TAF11: variants seen among roughly 807,000 people sequenced by gnomAD.
TAF11 encodes TATA-box binding protein associated factor 11.
Under a neutral mutation model 23.0 loss-of-function variants are expected in TAF11, and 10 were observed. The ratio of observed to expected loss-of-function variants is 0.43; its 90% confidence interval spans 0.27 to 0.74. TAF11 has a LOEUF of 0.74. Ranked by LOEUF, TAF11 falls within the 30% of genes least tolerant of loss-of-function variation. The pLI is 0.19. For missense variants in TAF11, 196 were observed against 261.7 expected (o/e 0.75, Z 1.73); for synonymous variants, 85 against 95.8 (o/e 0.89, Z 0.66).
In TAF11 at chr6:34,880,759, G is replaced by T. The variant is rs1299168870; in HGVS notation, c.321-383C>A. Among the ~76,000 whole-genome samples the T allele has an allele frequency of 1.3e-5, 2 of 152,114 alleles. No homozygotes were observed. The highest frequency in any genetic ancestry group is 2.9e-5 in the Non-Finnish European group (2 of 68,018). On this transcript the variant is annotated intron_variant, in intron 2 of 4. Transcript: ENST00000361288. The surrounding 1 kb of genome is among the most constrained non-coding windows in gnomAD (Gnocchi z 4.8). ...ATTAACAGATTTAGGGGAAATATCT[G>T]CAAAATATGTGGAAACAGTTAATAC...
At chr6:34,886,627 A>G (rs1333076822) in intron 1 of TAF11, among the ~76,000 whole-genome samples, 3 of 151,812 alleles carry the variant, frequency 2.0e-5, no homozygotes, top group East Asian at 3.9e-4. Flanking sequence ...CACCATGCCC[A>G]GCTAATTTTT....
chr6:34,882,296 C>T (rs1304254365), intron 2 of TAF11, among the ~76,000 whole-genome samples: 6 of 150,376 alleles, frequency 4.0e-5, no homozygotes, highest in African/African-American at 1.2e-4. Context: ...AGAGATTGCA[C>T]CACCGCACTC....
At chr6:34,887,665 G>C (rs1177311406) in intron 1 of TAF11, 122 bp downstream of exon 1, 1 of 1,205,446 alleles carries the variant, frequency 8.3e-7, no homozygotes, top group Non-Finnish European at 1.2e-6. Context: ...TTAACGATCT[G>C]GAGGGAATTC....
intron 1 of TAF11, among the ~76,000 whole-genome samples, chr6:34,884,631 A>G (rs1766498922): frequency 6.6e-6 from 1 of 151,890 alleles, no homozygotes; most frequent in Non-Finnish European, 1.5e-5. Flanking sequence ...TCCAAACTTC[A>G]CCCCCTCTGA....
rs778005313 is a variant in TAF11, at chr6:34,883,029, A to G, written c.223T>C (p.Ser75Pro). Reference sequence around the variant, plus strand: ...TTTTTGGCTGCAGGATTAAGTAATGATGAGTCTTCCCTTTCAACTGTTGTT... The same window carrying G: ...TTTTTGGCTGCAGGATTAAGTAATGGTGAGTCTTCCCTTTCAACTGTTGTT... ...DLTTVEREDS[S>P]LLNPAAKKLK... Residue 75 changes from serine to proline, a missense_variant, in exon 2 of 5, where the codon TCA becomes CCA. Physicochemically the swap from Ser to Pro is moderately conservative, Grantham distance 74. Transcript: ENST00000361288. 1.9e-6 allele frequency: 3 copies of G among 1,612,114 alleles called. No homozygotes were observed. The highest frequency in any genetic ancestry group is 2.5e-6 in the Non-Finnish European group (3 of 1,179,498).
rs1561822898 is a variant in TAF11, at chr6:34,880,412, AG to A, written c.321-37del. The stretch of plus-strand genomic sequence containing the variant: ...ATCCAGGTAACTAAGTTAACTTATA[AG>A]AACGAATACTCAAGATATTATGAAG... On this transcript the variant is annotated intron_variant, in intron 2 of 4. Coordinates refer to ENST00000361288, the MANE Select transcript of TAF11 (RefSeq NM_005643.4). The surrounding 1 kb of genome is among the most constrained non-coding windows in gnomAD (Gnocchi z 4.8). The A allele has an allele frequency of 6.3e-7, 1 of 1,583,832 alleles. No homozygotes were observed. The highest frequency in any genetic ancestry group is 1.7e-5 in the Admixed American group (1 of 59,476).
Position 34,879,978 on chromosome 6 carries a change from A to G in TAF11, c.494T>C (p.Val165Ala). The G allele has an allele frequency of 6.2e-7, 1 of 1,613,760 alleles. No homozygotes were observed. The highest frequency in any genetic ancestry group is 8.5e-7 in the Non-Finnish European group (1 of 1,179,880). Residue 165 changes from valine (V) to alanine (A), a missense_variant, in exon 4 of 5, where the codon GTG (valine) becomes GCG (alanine). Coordinates refer to ENST00000361288, the MANE Select transcript of TAF11 (RefSeq NM_005643.4). The part of the protein sequence containing the change: ...SGISKVFVGE[V>A]VEEALDVCEK... ...CCAACACTACTCACCTTCTTCTACCACCTCCCCGACGAAAACCTTGGAAAT... is the reference window on the plus strand; with the variant it reads ...CCAACACTACTCACCTTCTTCTACCGCCTCCCCGACGAAAACCTTGGAAAT...
At position 34,880,180 on chromosome 6, in the gene TAF11, T is replaced by C; in HGVS notation, c.408+109A>G. 1 of 1,524,196 alleles carries C rather than the reference T, an allele frequency of 6.6e-7. No homozygotes were observed. The highest frequency in any genetic ancestry group is 9.1e-7 in the Non-Finnish European group (1 of 1,103,414). 94.4% of individuals were successfully genotyped at this position (1,524,196 alleles called of 1,614,324 possible). On this transcript the variant is annotated intron_variant, in intron 3 of 4. Transcript: ENST00000361288. This position sits in a 1 kb window ranked among gnomAD's most constrained non-coding sequence, Gnocchi z 4.8. ...ACTGAAGTGCATTTTTTTTCCCACC[T>C]AAATAATCCCCTGACTTGTCTAACA...
intron 1 of TAF11, among the ~76,000 whole-genome samples, chr6:34,887,055 G>T (rs1239096907): frequency 6.6e-6 from 1 of 152,008 alleles, no homozygotes; most frequent in Non-Finnish European, 1.5e-5. Context: ...TGTAATCCTA[G>T]CACTTTGGGA....
rs539633475 is a variant in TAF11, at chr6:34,877,911, C to T, written c.*679G>A. The stretch of plus-strand genomic sequence containing the variant: ...GGTAGAGTATCACAAGTAAAAGTTT[C>T]TGGTTGTTTCATCTACTTAAAACCA... On this transcript the variant is annotated 3_prime_UTR_variant, in exon 5 of 5. Coordinates refer to ENST00000361288, the MANE Select transcript of TAF11 (RefSeq NM_005643.4). The T allele has an allele frequency of 6.6e-6, 1 of 152,294 alleles. No individual in the cohort carries two copies. Among genetic ancestry groups the T allele is most frequent in the South Asian group, 2.1e-4 (1 of 4,826 alleles). The allele number at this position is 152,294 out of a possible 1,614,324, so 9.4% of individuals were successfully genotyped here. A position where few individuals can be genotyped will look rare whatever the true frequency, so the allele number is the denominator to read the frequency against.
At chr6:34,887,745 C>G in intron 1 of TAF11, 42 bp downstream of exon 1, 1 of 1,612,278 alleles carries the variant, frequency 6.2e-7, no homozygotes, top group Non-Finnish European at 8.5e-7. Context: ...GTAACACAAT[C>G]TCTGGGTATT....
chr6:34,882,983 T>C lies in TAF11; in HGVS notation c.269A>G (p.Glu90Gly), dbSNP rs1003281044. Residue 90 changes from glutamate (E) to glycine (G), a missense_variant, in exon 2 of 5, where the codon GAA (glutamate) becomes GGA (glycine). Glu to Gly is a moderately conservative substitution (Grantham distance 98). Coordinates refer to ENST00000361288, the MANE Select transcript of TAF11 (RefSeq NM_005643.4). ...AAKKLKIDTK[E>G]KKEKKQKVDE... ...TACTTTCTGCTTTTTCTCTTTCTTT[T>C]CTTTGGTATCTATTTTCAGTTTTTT... is the stretch of plus-strand genomic sequence containing the variant. The C allele has an allele frequency of 1.2e-6, 2 of 1,610,990 alleles. No homozygotes were observed. Among genetic ancestry groups the C allele is most frequent in the African/African-American group, 2.7e-5 (2 of 74,810 alleles).
Position 34,880,115 on chromosome 6 carries a change from G to A in TAF11, c.409-52C>T. ...ATCACAATAGTCAAAGACTGGCTTT[G>A]GAACACAGTACCAAGTAATTCACAG... On this transcript the variant is annotated intron_variant, in intron 3 of 4. Transcript: ENST00000361288. This position sits in a 1 kb window ranked among gnomAD's most constrained non-coding sequence, Gnocchi z 4.8. 6.3e-7 allele frequency: 1 copy of A among 1,580,424 alleles called. No homozygotes were observed. Among genetic ancestry groups the A allele is most frequent in the Non-Finnish European group, 8.7e-7 (1 of 1,150,506 alleles).
At chr6:34,885,141 G>C (rs1320083573) in intron 1 of TAF11, among the ~76,000 whole-genome samples, 2 of 151,570 alleles carry the variant, frequency 1.3e-5, no homozygotes, top group Non-Finnish European at 2.9e-5. Context: ...TGTTGCCCAG[G>C]CTGGATCATA....
rs1766360890 is a variant in TAF11 at position 34,878,699 on chromosome 6, C to G, written c.527G>C (p.Trp176Ser). 6.2e-7 allele frequency: 1 copy of G among 1,614,062 alleles called. No homozygotes were observed. ...GGGTTGTAGTGGTGGCATTTCTCCCCACTTCTCACACACATCCAGTGCTAA... is the reference window on the plus strand; with the variant it reads ...GGGTTGTAGTGGTGGCATTTCTCCCGACTTCTCACACACATCCAGTGCTAA... ...VEEALDVCEK[W>S]GEMPPLQPKH... is the part of the protein sequence containing the mutation. The change falls in exon 5 of 5, where the codon TGG becomes TCG. Residue 176 changes from tryptophan (W) to serine (S), a missense_variant. By Grantham distance (177) the Trp-to-Ser change is radical. Transcript: ENST00000361288.
At chr6:34,887,499 A>AT (rs964002653) in intron 1 of TAF11, among the ~76,000 whole-genome samples, 2 of 152,090 alleles carry the variant, frequency 1.3e-5, no homozygotes, top group Non-Finnish European at 2.9e-5. Flanking sequence ...TTGGATCCCA[A>AT]TTTCCTCACC....
chr6:34,884,244 A>AT, intron 1 of TAF11, among the ~76,000 whole-genome samples: 1 of 152,248 alleles, frequency 6.6e-6, no homozygotes, highest in Non-Finnish European at 1.5e-5. Flanking sequence ...GCCATAAAAA[A>AT]GGAGATCATG....
In TAF11 at chr6:34,882,919, G is replaced by A; in HGVS notation, c.320+13C>T. The A allele has an allele frequency of 6.3e-7, 1 of 1,587,968 alleles. No individual in the cohort carries two copies. The highest frequency in any genetic ancestry group is 8.5e-7 in the Non-Finnish European group (1 of 1,170,394). ...AGAGCCTCGAAATGGGGAATGATAAGAAAGTGACTTACTGCATCTTCTGAA... is the reference window on the plus strand; with the variant it reads ...AGAGCCTCGAAATGGGGAATGATAAAAAAGTGACTTACTGCATCTTCTGAA... On this transcript the variant is annotated intron_variant, in intron 2 of 4. Coordinates refer to ENST00000361288, the MANE Select transcript of TAF11 (RefSeq NM_005643.4).
intron 1 of TAF11, among the ~76,000 whole-genome samples, chr6:34,887,277 C>G (rs1766543213): frequency 6.6e-6 from 1 of 151,942 alleles, no homozygotes; most frequent in South Asian, 2.1e-4. Flanking sequence ...TTCTCCAGCC[C>G]GGGCGACTCT....
Sources: gnomAD v4.1 joint callset for allele counts (sites outside exome capture counted in the v4.1 genomes callset) on GRCh38, gnomAD v4.1.1 for gene constraint, Gnocchi (gnomAD v3.1) non-coding constraint, MANE v1.5 for transcripts, NCBI Gene and HGNC (gene_info 2026-07-23, HGNC 2026-07-21) for gene names.